The following PIKFYVE variants were observed in gnomAD, a reference collection of about 807,000 sequenced individuals.
PIKFYVE encodes 1-phosphatidylinositol 3-phosphate 5-kinase.
Under a neutral mutation model 257.9 loss-of-function variants are expected in PIKFYVE, and 122 were observed. The ratio of observed to expected loss-of-function variants is 0.47; its 90% confidence interval spans 0.41 to 0.55. The LOEUF is 0.55. PIKFYVE is among the 20% of genes least tolerant of loss of function. PIKFYVE has a pLI of 0.00. For synonymous variants in PIKFYVE, 892 were observed against 868.9 expected, an observed-to-expected ratio of 1.03 and a Z score of -0.47; for missense variants, 2,160 against 2,536.6, an observed-to-expected ratio of 0.85 and a Z score of 3.19.
intron 32 of PIKFYVE, among the ~76,000 whole-genome samples, 199 bp from the exon 33 acceptor site, chr2:208,344,912 T>C (rs1699088092): frequency 6.6e-6 from 1 of 152,144 alleles, no homozygotes; most frequent in South Asian, 2.1e-4. Flanking sequence ...GGGTCATATT[T>C]TGTATTACCT....
intron 7 of PIKFYVE, among the ~76,000 whole-genome samples, chr2:208,297,141 C>T (rs532520877): frequency 3.6e-4 from 55 of 152,234 alleles, no homozygotes; most frequent in Middle Eastern, 6.8e-3. Flanking sequence ...TGAATGCTGT[C>T]TCTAAATATA....
rs1187055769 is a variant in PIKFYVE at position 208,273,584 on chromosome 2, A to G, written c.173A>G (p.Glu58Gly). 2 of 1,614,198 alleles carry G rather than the reference A, an allele frequency of 1.2e-6. No homozygotes were observed. The highest frequency in any genetic ancestry group is 2.2e-5 in the South Asian group (2 of 91,086). Residue 58 changes from glutamate to glycine, a missense_variant and splice_region_variant, in exon 3 of 42, where the codon GAG becomes GGG. Glu to Gly is a moderately conservative substitution (Grantham distance 98). Coordinates refer to ENST00000264380, the MANE Select transcript of PIKFYVE (RefSeq NM_015040.4). ...AATGCCAAGCGTTCCCTTGCTACAG[A>G]GAGAGCAGAAGGAGGCCAGGGAGAA... ...SFVNLFRFNK[E>G]RAEGGQGEQQ... is the part of the protein sequence containing the mutation.
At position 208,355,181 on chromosome 2, in the gene PIKFYVE, T is replaced by C. The variant is rs1330420058; in HGVS notation, c.6182-9T>C. On this transcript the variant is annotated splice_polypyrimidine_tract_variant and intron_variant, in intron 41 of 41. Transcript: ENST00000264380. Reference sequence around the variant, plus strand: ...AGCTTTTTCCCCCTTTTCTCTTTCATAATCTCAGGTAAAATGCCAACAGTG... The same window carrying C: ...AGCTTTTTCCCCCTTTTCTCTTTCACAATCTCAGGTAAAATGCCAACAGTG... 3.0e-5 allele frequency: 48 copies of C among 1,605,298 alleles called. No individual in the cohort carries two copies. Among genetic ancestry groups the C allele is most frequent in the Non-Finnish European group, 4.0e-5 (47 of 1,172,106 alleles).
chr2:208,350,736 A>G lies in PIKFYVE; in HGVS notation c.5435-35A>G, dbSNP rs781753573. 4 of 1,608,782 alleles carry G rather than the reference A, an allele frequency of 2.5e-6. No homozygotes were observed. The Admixed American group carries it at 5.0e-5, about 20-fold the overall frequency. On this transcript the variant is annotated intron_variant, in intron 36 of 41. Coordinates refer to ENST00000264380, the MANE Select transcript of PIKFYVE (RefSeq NM_015040.4). ...GAGGAGGAAAGATATTTTCTGAGTCATAAAGCTTTTTAAAAAAACTTCTGT... is the reference window on the plus strand; with the variant it reads ...GAGGAGGAAAGATATTTTCTGAGTCGTAAAGCTTTTTAAAAAAACTTCTGT...
At chr2:208,277,886 T>G (rs1004172378) in intron 5 of PIKFYVE, among the ~76,000 whole-genome samples, 178 bp downstream of exon 5, 1 of 152,308 alleles carries the variant, frequency 6.6e-6, no homozygotes, top group Middle Eastern at 3.4e-3. Context: ...ATACAGTAGA[T>G]GGGACTTATC....
chr2:208,270,619 T>C (rs1269122014), intron 1 of PIKFYVE, among the ~76,000 whole-genome samples: 1 of 152,216 alleles, frequency 6.6e-6, no homozygotes, highest in Non-Finnish European at 1.5e-5. Context: ...ATTTGAGTAG[T>C]TGTCATAGGT....
intron 41 of PIKFYVE, 76 bp downstream of exon 41, chr2:208,354,721 C>CT (rs1366738285): frequency 4.9e-5 from 57 of 1,160,688 alleles, no homozygotes; most frequent in East Asian, 1.9e-4. Flanking sequence ...GATACTGATT[C>CT]TTTTTTTTAG....
chr2:208,326,315 C>A lies in PIKFYVE; in HGVS notation c.3504C>A (p.Asp1168Glu). 6.2e-7 allele frequency: 1 copy of A among 1,609,334 alleles called. No homozygotes were observed. The highest frequency in any genetic ancestry group is 1.7e-4 in the Middle Eastern group (1 of 6,020). ...GAAGAATTCAGCCCAAAAATTCAGACCCTTTTGCTCATTCAAAGGATGCAT... is the reference window on the plus strand; with the variant it reads ...GAAGAATTCAGCCCAAAAATTCAGAACCTTTTGCTCATTCAAAGGATGCAT... ...RGGRIQPKNS[D>E]PFAHSKDASS... The change falls in exon 20 of 42, where the codon GAC (aspartate) becomes GAA (glutamate). Residue 1168 changes from aspartate (D) to glutamate (E), a missense_variant. Physicochemically the swap from Asp to Glu is conservative, Grantham distance 45 (BLOSUM62 2). Around this residue, in one of 12 missense-constraint regions of PIKFYVE, gnomAD observed 522 missense variants for 514.6 expected, o/e 1.01. Transcript: ENST00000264380.
In PIKFYVE at chr2:208,325,359, G is replaced by T. The variant is rs1449960815; in HGVS notation, c.2548G>T (p.Ala850Ser). Residue 850 changes from alanine to serine, a missense_variant, in exon 20 of 42, where the codon GCT becomes TCT. This residue lies in a region of PIKFYVE where 522 missense variants were observed against 514.6 expected (regional missense o/e 1.01). Transcript: ENST00000264380. ...KLRGGSDYEL[A>S]RVKEILIFMI... ...AAGAGGAGGCTCTGATTATGAGCTG[G>T]CTCGAGTTAAGGAGATCCTAATATT... 1.2e-6 allele frequency: 2 copies of T among 1,614,058 alleles called. No homozygotes were observed. Among genetic ancestry groups the T allele is most frequent in the Middle Eastern group, 1.7e-4 (1 of 6,060 alleles).
rs1056124492 is a variant in PIKFYVE at position 208,357,454 on chromosome 2, A to G, written c.*2149A>G. ...CTCCACAGGAATGGCTTCTGACAAT[A>G]ATCTGTCCTGTTGATTTTGTTTTCC... On this transcript the variant is annotated 3_prime_UTR_variant, in exon 42 of 42. Transcript: ENST00000264380. 23 of 152,226 alleles carry G rather than the reference A, an allele frequency of 1.5e-4. No individual in the cohort carries two copies. Among genetic ancestry groups the G allele is most frequent in the African/African-American group, 5.5e-4 (23 of 41,464 alleles). 9.4% of individuals were successfully genotyped at this position (152,226 alleles called of 1,614,324 possible).
chr2:208,342,776 T>C (rs1698830216), intron 32 of PIKFYVE, 127 bp downstream of exon 32: 1 of 726,910 alleles, frequency 1.4e-6, no homozygotes, highest in Admixed American at 2.6e-5. Flanking sequence ...ATATGTTCTT[T>C]AGTCGTGATA....
intron 6 of PIKFYVE, among the ~76,000 whole-genome samples, chr2:208,288,298 G>T (rs1357129576): frequency 6.6e-6 from 1 of 152,118 alleles, no homozygotes; most frequent in Non-Finnish European, 1.5e-5. Context: ...TGAACCCAAG[G>T]TCATGTAGCT....
At chr2:208,335,232 A>C in intron 24 of PIKFYVE, 74 bp from the exon 25 acceptor site, 1 of 989,092 alleles carries the variant, frequency 1.0e-6, no homozygotes, top group East Asian at 2.4e-5. Flanking sequence ...ATATAGTTGA[A>C]CATCATGATA....
intron 3 of PIKFYVE, among the ~76,000 whole-genome samples, chr2:208,276,129 A>G (rs1313010015): frequency 6.6e-6 from 1 of 152,184 alleles, no homozygotes; most frequent in African/African-American, 2.4e-5. Context: ...GCTTGGACAT[A>G]GGTCAGGTTT....
At chr2:208,331,412 C>A (rs1366171813) in intron 23 of PIKFYVE, among the ~76,000 whole-genome samples, 1 of 152,102 alleles carries the variant, frequency 6.6e-6, no homozygotes, top group Non-Finnish European at 1.5e-5. Context: ...GAGTCTTGCT[C>A]TATCGCCCGG....
In PIKFYVE at chr2:208,329,202, A is replaced by G. The variant is rs114426180; in HGVS notation, c.3720-640A>G. 8.5e-3 allele frequency among the ~76,000 whole-genome samples: 1,294 copies of G among 152,332 alleles called. 25 individuals carry two copies. The highest frequency in any genetic ancestry group is 0.029 in the African/African-American group (1,213 of 41,570). Reference sequence around the variant, plus strand: ...CTTCTTGTTTGGGGGCACTGTCTCCATGCCAGAACATATTCTGTGTTTTAA... The same window carrying G: ...CTTCTTGTTTGGGGGCACTGTCTCCGTGCCAGAACATATTCTGTGTTTTAA... On this transcript the variant is annotated intron_variant, in intron 21 of 41. Coordinates refer to ENST00000264380, the MANE Select transcript of PIKFYVE (RefSeq NM_015040.4).
At position 208,350,842 on chromosome 2, in the gene PIKFYVE, G is replaced by A; in HGVS notation, c.5506G>A (p.Val1836Met). 4 of 1,614,184 alleles carry A rather than the reference G, an allele frequency of 2.5e-6. No individual in the cohort carries two copies. Among genetic ancestry groups the A allele is most frequent in the South Asian group, 2.2e-5 (2 of 91,082 alleles). The change falls in exon 37 of 42, where the codon GTG (valine) becomes ATG (methionine). Residue 1836 changes from valine to methionine, a missense_variant. Val to Met is a conservative substitution (Grantham distance 21). Transcript: ENST00000264380. ...GGGAGAGTTTCATAAGATGCGTGAA[G>A]TGATTCTGGACAGCAGTGAAGAAGA... ...YAGEFHKMRE[V>M]ILDSSEEDFI...
At chr2:208,327,623 G>A (rs1166381113) in intron 20 of PIKFYVE, among the ~76,000 whole-genome samples, 1 of 152,188 alleles carries the variant, frequency 6.6e-6, no homozygotes, top group East Asian at 1.9e-4. Flanking sequence ...CTAGCAAAAA[G>A]AATAGATATT....
At chr2:208,333,172 T>C in intron 23 of PIKFYVE, 143 bp from the exon 24 acceptor site, 1 of 752,740 alleles carries the variant, frequency 1.3e-6, no homozygotes, top group East Asian at 3.0e-5. Flanking sequence ...AGGCGGAGCT[T>C]GCAGTGAGCT....
Sources: gnomAD v4.1 joint callset for allele counts (sites outside exome capture counted in the v4.1 genomes callset) on GRCh38, gnomAD v4.1.1 for gene constraint, gnomAD v4.1.1 regional missense constraint, MANE v1.5 for transcripts, NCBI Gene and HGNC (gene_info 2026-07-23, HGNC 2026-07-21) for gene names.